PREX2: variants seen among roughly 807,000 people sequenced by gnomAD.
PREX2 encodes the protein phosphatidylinositol 3,4,5-trisphosphate-dependent Rac exchanger 2 protein.
PREX2 carries 107 observed loss-of-function variants against 203.2 expected under a neutral mutation model. That is an observed-to-expected ratio of 0.53 (90% CI 0.45 to 0.62). The LOEUF is 0.62. PREX2 is among the 20% of genes least tolerant of loss of function. The pLI, the probability that PREX2 is intolerant of heterozygous loss-of-function variation, is 0.00. For synonymous variants in PREX2, 672 were observed against 663.6 expected, an observed-to-expected ratio of 1.01 and a Z score of -0.19; for missense variants, 1,777 against 1,955.9, an observed-to-expected ratio of 0.91 and a Z score of 1.72.
intron 11 of PREX2, among the ~76,000 whole-genome samples, chr8:68,062,939 C>G (rs751714518): frequency 1.3e-5 from 2 of 152,138 alleles, no homozygotes. Context: ...CCATCCCATA[C>G]AGGTGCTCAA....
At chr8:68,083,608 A>G (rs1037852344) in intron 18 of PREX2, among the ~76,000 whole-genome samples, 4 of 152,180 alleles carry the variant, frequency 2.6e-5, no homozygotes, top group African/African-American at 9.7e-5. Flanking sequence ...AGTGGAAACA[A>G]TGCTTTTCTT....
At chr8:68,056,170 G>T (rs1808673583) in intron 10 of PREX2, among the ~76,000 whole-genome samples, 196 bp downstream of exon 10, 1 of 152,104 alleles carries the variant, frequency 6.6e-6, no homozygotes, top group Non-Finnish European at 1.5e-5. Flanking sequence ...GAAACTTAAG[G>T]CATCCGTCCA....
Position 68,120,989 on chromosome 8 carries a change from C to A in PREX2, c.3664C>A (p.Pro1222Thr), listed in dbSNP as rs764163539. 3 of 1,613,690 alleles carry A rather than the reference C, an allele frequency of 1.9e-6. No individual in the cohort carries two copies. Among genetic ancestry groups the A allele is most frequent in the Non-Finnish European group, 8.5e-7 (1 of 1,179,700 alleles). ...GCTACGGCTTCATATCAAGCAAGATCCTTGGAATCTTCCCAGCAGCGTCCG... is the reference window on the plus strand; with the variant it reads ...GCTACGGCTTCATATCAAGCAAGATACTTGGAATCTTCCCAGCAGCGTCCG... ...KRLRLHIKQD[P>T]WNLPSSVRTL... is the part of the protein sequence containing the mutation. Residue 1222 changes from proline (P) to threonine (T), a missense_variant, in exon 30 of 40, where the codon CCT (proline) becomes ACT (threonine). Pro to Thr is a conservative substitution (Grantham distance 38). Transcript: ENST00000288368.
At chr8:68,130,851 A>G (rs1421870112) in intron 31 of PREX2, among the ~76,000 whole-genome samples, 3 of 152,190 alleles carry the variant, frequency 2.0e-5, no homozygotes, top group African/African-American at 7.2e-5. Context: ...TGACCAGAAG[A>G]AGAGCCCCAG....
rs868724495 is a variant in PREX2, at chr8:68,017,865, A to G, written c.161A>G (p.Asn54Ser). 1 of 1,612,780 alleles carries G rather than the reference A, an allele frequency of 6.2e-7. No individual in the cohort carries two copies. ...FLVSAFLHRMNQCAASKVDKN... is the reference protein window; with the variant it reads ...FLVSAFLHRMSQCAASKVDKN... The stretch of plus-strand genomic sequence containing the variant: ...ATGCAGGCATTCTTACACAGAATGA[A>G]CCAGTGTGCAGCATCAAAAGTTGAC... Residue 54 changes from asparagine (N) to serine (S), a missense_variant, in exon 2 of 40, where the codon AAC (asparagine) becomes AGC (serine). Coordinates refer to ENST00000288368, the MANE Select transcript of PREX2 (RefSeq NM_024870.4).
intron 13 of PREX2, 26 bp from the exon 14 acceptor site, chr8:68,072,469 G>T (rs370952791): frequency 1.4e-4 from 191 of 1,370,196 alleles, no homozygotes; most frequent in Non-Finnish European, 1.8e-4. Flanking sequence ...TTTTTTGTTT[G>T]TTTGTTTTTA....
intron 11 of PREX2, among the ~76,000 whole-genome samples, chr8:68,064,314 A>G (rs1420710571): frequency 6.6e-6 from 1 of 152,142 alleles, no homozygotes; most frequent in African/African-American, 2.4e-5. Flanking sequence ...TATTAATTCA[A>G]TTATATAAAC....
At chr8:68,120,774 T>G (rs1377279899) in intron 29 of PREX2, 147 bp from the exon 30 acceptor site, 7 of 656,716 alleles carry the variant, frequency 1.1e-5, no homozygotes, top group Middle Eastern at 3.6e-4. Flanking sequence ...TTTTTACATT[T>G]AACGGATTTT....
intron 33 of PREX2, 68 bp downstream of exon 33, chr8:68,138,585 T>G: frequency 1.4e-6 from 1 of 705,282 alleles, no homozygotes; most frequent in East Asian, 2.8e-5. Context: ...ACTTTGGTAT[T>G]AATATATTTG....
At chr8:68,022,734 T>C (rs1001224219) in intron 4 of PREX2, among the ~76,000 whole-genome samples, 3 of 152,054 alleles carry the variant, frequency 2.0e-5, no homozygotes, top group African/African-American at 7.2e-5. Context: ...CCCAAATTCA[T>C]TTTTAGATCA....
chr8:68,006,870 C>G (rs1807113188), intron 1 of PREX2, among the ~76,000 whole-genome samples: 1 of 152,138 alleles, frequency 6.6e-6, no homozygotes, highest in African/African-American at 2.4e-5. Flanking sequence ...AAATATGCAT[C>G]TTTGTGGTTA....
At chr8:68,176,925 G>T (rs1421747413) in intron 35 of PREX2, 2 of 151,716 alleles carry the variant, frequency 1.3e-5, no homozygotes, top group Admixed American at 6.6e-5. Flanking sequence ...TACTGCATTT[G>T]ATTTCACACT....
At chr8:68,118,679 A>T in intron 27 of PREX2, 35 bp downstream of exon 27, 3 of 1,395,110 alleles carry the variant, frequency 2.2e-6, no homozygotes, top group Non-Finnish European at 3.1e-6. Flanking sequence ...GGGCTTTTTG[A>T]TATTAGTCCT....
chr8:68,045,542 C>T (rs377588172), intron 8 of PREX2, among the ~76,000 whole-genome samples: 14 of 151,920 alleles, frequency 9.2e-5, no homozygotes, highest in South Asian at 4.2e-4. Context: ...TGTTAGCATC[C>T]GAATAAATTG....
chr8:68,032,482 A>G (rs1015748279), intron 6 of PREX2, among the ~76,000 whole-genome samples: 2 of 152,256 alleles, frequency 1.3e-5, no homozygotes, highest in South Asian at 2.1e-4. Context: ...TGGGACTTTG[A>G]GGGAGTGCAG....
At chr8:68,091,795 T>C (rs1247945714) in intron 20 of PREX2, among the ~76,000 whole-genome samples, 1 of 152,248 alleles carries the variant, frequency 6.6e-6, no homozygotes, top group Non-Finnish European at 1.5e-5. Context: ...GATTTGAGTT[T>C]CATTTCTTTT....
At chr8:68,147,587 G>A (rs1335393662) in intron 34 of PREX2, among the ~76,000 whole-genome samples, 1 of 152,188 alleles carries the variant, frequency 6.6e-6, no homozygotes, top group Non-Finnish European at 1.5e-5. Context: ...GGAACTGTAA[G>A]TCCATTAGAC....
intron 19 of PREX2, among the ~76,000 whole-genome samples, chr8:68,089,493 T>A: frequency 6.6e-6 from 1 of 152,200 alleles, no homozygotes; most frequent in South Asian, 2.1e-4. Context: ...CAATCCTGTC[T>A]CTTCCATCCA....
At chr8:67,995,505 C>A (rs898323888) in intron 1 of PREX2, among the ~76,000 whole-genome samples, 3 of 152,142 alleles carry the variant, frequency 2.0e-5, no homozygotes, top group Non-Finnish European at 4.4e-5. Flanking sequence ...AGATACCACA[C>A]CATGTTGAAC....
Sources: allele counts gnomAD v4.1 joint callset (sites outside exome capture counted in the v4.1 genomes callset), GRCh38; gene constraint gnomAD v4.1.1; transcripts MANE v1.5; gene names NCBI Gene and HGNC (gene_info 2026-07-23, HGNC 2026-07-21).